Variants in KRCC1 observed in about 807,000 individuals in gnomAD.
The protein encoded by KRCC1 is lysine-rich coiled-coil protein 1.
A neutral mutation model predicts 7.4 loss-of-function variants in KRCC1; 3 were observed. The ratio of observed to expected loss-of-function variants is 0.40; its 90% CI spans 0.18 to 1.04. The LOEUF (loss-of-function observed/expected upper bound fraction) is 1.04. KRCC1 is among the 50% of genes least tolerant of loss of function. The pLI, the probability that KRCC1 is intolerant of heterozygous loss-of-function variation, is 0.33. For missense variants in KRCC1, 277 were observed against 300.9 expected, an observed-to-expected ratio of 0.92 and a Z score of 0.59; for synonymous variants, 102 against 101.6, an observed-to-expected ratio of 1.00 and a Z score of -0.02.
chr2:88,032,147 T>TA (rs766159480), intron 3 of KRCC1, among the ~76,000 whole-genome samples: 1 of 151,658 alleles, frequency 6.6e-6, no homozygotes, highest in Non-Finnish European at 1.5e-5. Context: ...GTCTCAAAAT[T>TA]AATTAATTAA....
chr2:88,028,016 CT>C lies in KRCC1; in HGVS notation c.547del (p.Ser183AlafsTer7), dbSNP rs1326358542. The C allele has an allele frequency of 1.9e-6, 3 of 1,613,768 alleles. No individual in the cohort carries two copies. The highest frequency in any genetic ancestry group is 2.7e-5 in the African/African-American group (2 of 74,954). The part of the protein sequence containing the change: ...EERSKHKRKK[S>X]CEEIDLDKHK... ...TTTGTCTAAGTCAATTTCCTCGCAG[CT>C]TTTTTTTCTCTTATGCTTAGACCGC... On this transcript the variant is annotated frameshift_variant, in exon 4 of 4. Transcript: ENST00000347055. LOFTEE classifies it high-confidence loss of function.
At chr2:88,044,401 C>CAAAAAAAAAAAAA (rs10527729) in intron 1 of KRCC1, among the ~76,000 whole-genome samples, 3 of 146,650 alleles carry the variant, frequency 2.0e-5, no homozygotes, top group African/African-American at 5.2e-5. Flanking sequence ...CAAAAGAAAA[C>CAAAAAAAAAAAAA]AAAAAAAAAA....
intron 1 of KRCC1, among the ~76,000 whole-genome samples, chr2:88,043,795 G>A (rs961637853): frequency 5.9e-5 from 9 of 152,156 alleles, no homozygotes; most frequent in East Asian, 1.9e-4. Flanking sequence ...TCAGCCTCCC[G>A]AGTAGCTGGG....
intron 1 of KRCC1, among the ~76,000 whole-genome samples, chr2:88,043,210 T>C (rs1387578224): frequency 6.6e-6 from 1 of 152,200 alleles, no homozygotes; most frequent in Admixed American, 6.6e-5. Context: ...GAGTAAACTC[T>C]TGTAGTCAGG....
At chr2:88,031,004 C>T (rs1429680811) in intron 3 of KRCC1, among the ~76,000 whole-genome samples, 2 of 152,036 alleles carry the variant, frequency 1.3e-5, no homozygotes, top group African/African-American at 4.8e-5. Context: ...GTATAGCATA[C>T]ACTATGTACA....
At chr2:88,031,824 A>C (rs1198996285) in intron 3 of KRCC1, among the ~76,000 whole-genome samples, 5 of 152,070 alleles carry the variant, frequency 3.3e-5, no homozygotes, top group Non-Finnish European at 7.4e-5. Flanking sequence ...TTAATTTATT[A>C]CTAAAACAAG....
At chr2:88,051,441 T>C (rs1673483212) in intron 1 of KRCC1, among the ~76,000 whole-genome samples, 1 of 152,232 alleles carries the variant, frequency 6.6e-6, no homozygotes, top group African/African-American at 2.4e-5. Context: ...TAACAAAGTC[T>C]TAAAAAAATT....
At chr2:88,043,775 T>C (rs573148039) in intron 1 of KRCC1, among the ~76,000 whole-genome samples, 1 of 152,294 alleles carries the variant, frequency 6.6e-6, no homozygotes, top group East Asian at 1.9e-4. Context: ...GTTCAAGCGG[T>C]TCTCCTGCCT....
rs1673105637 is a variant in KRCC1, at chr2:88,037,051, T to A, written c.-290A>T. 1 of 152,192 alleles carries A rather than the reference T, an allele frequency of 6.6e-6. No homozygotes were observed. The highest frequency in any genetic ancestry group is 2.4e-5 in the African/African-American group (1 of 41,456). 9.4% of individuals were successfully genotyped at this position (152,192 alleles called of 1,614,324 possible). The stretch of plus-strand genomic sequence containing the variant: ...CAGTCTTTGTTCATTCAATGTGGTA[T>A]CTATCAATAAAAGAGAGGTAAGACA... On this transcript the variant is annotated splice_region_variant and 5_prime_UTR_variant, in exon 2 of 4. Transcript: ENST00000347055.
chr2:88,036,172 T>C (rs2104610145), intron 2 of KRCC1, among the ~76,000 whole-genome samples: 1 of 152,334 alleles, frequency 6.6e-6, no homozygotes, highest in Non-Finnish European at 1.5e-5. Context: ...ATGTATCTAC[T>C]ACTTTTGGTA....
intron 3 of KRCC1, among the ~76,000 whole-genome samples, chr2:88,029,358 C>T (rs556028675): frequency 2.7e-4 from 41 of 152,254 alleles, no homozygotes; most frequent in African/African-American, 9.4e-4. Context: ...ATAAAATAAA[C>T]GTACTCACCT....
At position 88,055,703 on chromosome 2, in the gene KRCC1, G is replaced by A. The variant is rs971770708; in HGVS notation, c.-368C>T. 6.5e-6 allele frequency: 1 copy of A among 153,288 alleles called. No homozygotes were observed. Among genetic ancestry groups the A allele is most frequent in the Non-Finnish European group, 1.5e-5 (1 of 68,898 alleles). 9.5% of individuals were successfully genotyped at this position (153,288 alleles called of 1,614,324 possible). On this transcript the variant is annotated 5_prime_UTR_variant, in exon 1 of 4. Coordinates refer to ENST00000347055, the MANE Select transcript of KRCC1 (RefSeq NM_016618.3). ...CGCCGCCAGCCAGGGGATAAGCCGCGGTGGAGGTGGCGGAGAGGCAGGAAC... is the reference window on the plus strand; with the variant it reads ...CGCCGCCAGCCAGGGGATAAGCCGCAGTGGAGGTGGCGGAGAGGCAGGAAC...
intron 1 of KRCC1, among the ~76,000 whole-genome samples, chr2:88,048,305 C>T (rs944909308): frequency 2.6e-5 from 4 of 152,112 alleles, no homozygotes; most frequent in African/African-American, 7.2e-5. Flanking sequence ...TGGTCTCTAA[C>T]TCCTGACCTC....
intron 3 of KRCC1, among the ~76,000 whole-genome samples, chr2:88,033,113 C>G (rs1308208123): frequency 6.6e-6 from 1 of 152,140 alleles, no homozygotes; most frequent in Non-Finnish European, 1.5e-5. Context: ...TGTCCATTAT[C>G]TTGATTGTGG....
chr2:88,035,915 C>T (rs1673081800), intron 2 of KRCC1, among the ~76,000 whole-genome samples: 1 of 152,148 alleles, frequency 6.6e-6, no homozygotes, highest in South Asian at 2.1e-4. Context: ...GAGATTGTCA[C>T]TTCCATTTTT....
At chr2:88,045,110 C>T (rs1673301600) in intron 1 of KRCC1, among the ~76,000 whole-genome samples, 1 of 151,848 alleles carries the variant, frequency 6.6e-6, no homozygotes, top group Non-Finnish European at 1.5e-5. Flanking sequence ...AGCAATCTGG[C>T]CATCTTGGCC....
At chr2:88,034,598 C>T (rs1490534689) in intron 2 of KRCC1, among the ~76,000 whole-genome samples, 1 of 152,112 alleles carries the variant, frequency 6.6e-6, no homozygotes, top group Non-Finnish European at 1.5e-5. Flanking sequence ...TTAGCATAGT[C>T]ATTACTTCAA....
intron 1 of KRCC1, among the ~76,000 whole-genome samples, chr2:88,047,446 T>A (rs1231926648): frequency 6.6e-6 from 1 of 152,142 alleles, no homozygotes; most frequent in Non-Finnish European, 1.5e-5. Context: ...ATAAATCAAC[T>A]GAATTTGAAT....
intron 1 of KRCC1, among the ~76,000 whole-genome samples, chr2:88,046,688 T>G (rs1025155298): frequency 5.9e-5 from 9 of 152,254 alleles, no homozygotes; most frequent in African/African-American, 2.2e-4. Context: ...TTGGTTTTTT[T>G]GAGACATGGT....
Sources: gnomAD v4.1 joint callset for allele counts (sites outside exome capture counted in the v4.1 genomes callset) on GRCh38, gnomAD v4.1.1 for gene constraint, MANE v1.5 for transcripts, NCBI Gene and HGNC (gene_info 2026-07-23, HGNC 2026-07-21) for gene names.